The following PLXNA1 variants were observed in gnomAD, a reference collection of about 807,000 sequenced individuals.
PLXNA1 encodes plexin A1.
Under a neutral mutation model 191.7 loss-of-function variants are expected in PLXNA1, and 77 were observed. The ratio of observed to expected loss-of-function variants is 0.40; its 90% CI spans 0.33 to 0.49. The LOEUF is 0.49. Ranked by LOEUF, PLXNA1 falls within the 20% of genes least tolerant of loss-of-function variation. PLXNA1 has a pLI of 0.63. For synonymous variants in PLXNA1, 1,137 were observed against 1,156.4 expected (o/e 0.98, Z 0.34); for missense variants, 2,110 against 2,660.2 (o/e 0.79, Z 4.55).
In PLXNA1 at chr3:126,991,545, G is replaced by T. The variant is rs771068704; in HGVS notation, c.1356G>T (p.Thr452=). 1.9e-6 allele frequency: 3 copies of T among 1,587,828 alleles called. No homozygotes were observed. Among genetic ancestry groups the T allele is most frequent in the Non-Finnish European group, 1.7e-6 (2 of 1,162,890 alleles). The change falls in exon 3 of 32, where the codon ACG becomes ACT. Residue 452 remains threonine, a synonymous_variant. Coordinates refer to ENST00000393409, the MANE Select transcript of PLXNA1 (RefSeq NM_032242.4). ...YRGRTVVFAG[T]RSGRIRKILV... Reference sequence around the variant, plus strand: ...GCCGCACTGTGGTATTCGCCGGCACGCGAAGTGGCCGCATCCGCAAGGTCA... The same window carrying T: ...GCCGCACTGTGGTATTCGCCGGCACTCGAAGTGGCCGCATCCGCAAGGTCA...
At chr3:127,007,247 G>A (rs1433949804) in intron 8 of PLXNA1, among the ~76,000 whole-genome samples, 2 of 152,184 alleles carry the variant, frequency 1.3e-5, no homozygotes, top group Non-Finnish European at 2.9e-5. Context: ...AGGCTGAGTT[G>A]TGGGCAGAGC....
intron 12 of PLXNA1, 44 bp downstream of exon 12, chr3:127,014,419 C>G: frequency 1.3e-5 from 21 of 1,571,634 alleles, no homozygotes; most frequent in Non-Finnish European, 1.8e-5. Context: ...CCCCGCCCTG[C>G]ACCACCGCAC....
intron 21 of PLXNA1, among the ~76,000 whole-genome samples, chr3:127,021,371 G>A (rs2079151527): frequency 6.6e-6 from 1 of 152,182 alleles, no homozygotes; most frequent in Non-Finnish European, 1.5e-5. Context: ...GTTGGCCTTG[G>A]CTGGGAGCCT....
intron 9 of PLXNA1, 61 bp from the exon 10 acceptor site, chr3:127,011,897 G>A: frequency 6.8e-7 from 1 of 1,467,804 alleles, no homozygotes; most frequent in Admixed American, 1.7e-5. Flanking sequence ...GGAGCGTAGT[G>A]GGGTGCACCT....
At position 127,012,264 on chromosome 3, in the gene PLXNA1, G is replaced by C. The variant is rs111936438; in HGVS notation, c.2313+106G>C. On this transcript the variant is annotated intron_variant, in intron 10 of 31. Coordinates refer to ENST00000393409, the MANE Select transcript of PLXNA1 (RefSeq NM_032242.4). ...CTTGTTCATAAAGGGCAGTGCACGT[G>C]CTCACGTGTATCTCTGATGAGTCAG... 303 of 1,154,554 alleles carry C rather than the reference G, an allele frequency of 2.6e-4. No homozygotes were observed. The African/African-American group carries it at 4.3e-3, about 16-fold the overall frequency. The allele number at this position is 1,154,554 out of a possible 1,614,324, so 71.5% of individuals were successfully genotyped here.
chr3:127,010,252 CT>C (rs2079089148), intron 9 of PLXNA1, among the ~76,000 whole-genome samples: 1 of 152,204 alleles, frequency 6.6e-6, no homozygotes, highest in Non-Finnish European at 1.5e-5. Flanking sequence ...AGACTATGCA[CT>C]GGGGAAGAGG....
rs771302841 is a variant in PLXNA1 at position 127,014,497 on chromosome 3, C to T, written c.2624C>T (p.Pro875Leu). Residue 875 changes from proline (P) to leucine (L), a missense_variant, in exon 13 of 32, where the codon CCG becomes CTG. This residue lies in a region of PLXNA1 where 644 missense variants were observed against 714.3 expected (regional missense o/e 0.90). Transcript: ENST00000393409. ...KILKLSPETG[P>L]RQGGTRLTIT... The stretch of plus-strand genomic sequence containing the variant: ...CCTCAGCTGTCCCCCGAGACGGGCC[C>T]GAGGCAGGGCGGCACGCGGCTCACT... 13 of 1,604,868 alleles carry T rather than the reference C, an allele frequency of 8.1e-6. No homozygotes were observed. In the Middle Eastern group the frequency reaches 4.9e-4, roughly 61 times the overall value.
chr3:127,012,131 C>T lies in PLXNA1; in HGVS notation c.2286C>T (p.Ser762=). The part of the protein sequence containing the change: ...PARVTALRFN[S]SSLQCQNSSY... ...GTGTCACCGCCCTGCGCTTCAACAG[C>T]TCCAGCCTGCAGTGCCAGAATTCCT... is the stretch of plus-strand genomic sequence containing the variant. The change falls in exon 10 of 32, where the codon AGC becomes AGT. Residue 762 remains serine, a synonymous_variant. Transcript: ENST00000393409. The T allele has an allele frequency of 6.2e-7, 1 of 1,612,724 alleles. No homozygotes were observed. Among genetic ancestry groups the T allele is most frequent in the Middle Eastern group, 1.8e-4 (1 of 5,540 alleles).
Position 127,014,298 on chromosome 3 carries a change from T to C in PLXNA1, c.2527T>C (p.Cys843Arg). The C allele has an allele frequency of 1.9e-6, 3 of 1,595,638 alleles. No homozygotes were observed. The highest frequency in any genetic ancestry group is 1.7e-5 in the Admixed American group (1 of 58,734). The change falls in exon 12 of 32, where the codon TGC becomes CGC. Residue 843 changes from cysteine (C) to arginine (R), a missense_variant. By Grantham distance (180) the Cys-to-Arg change is radical. Around this residue, in one of 4 missense-constraint regions of PLXNA1, gnomAD observed 644 missense variants for 714.3 expected, o/e 0.90. Coordinates refer to ENST00000393409, the MANE Select transcript of PLXNA1 (RefSeq NM_032242.4). ...GCGCCGCTGCTCCCTGCGACACCAC[T>C]GCGCTGCCGACACACCTGCATCGTG... ...AERRCSLRHH[C>R]AADTPASWMH...
chr3:127,014,957 G>A (rs1255759487), intron 14 of PLXNA1, 126 bp downstream of exon 14: 10 of 1,448,592 alleles, frequency 6.9e-6, no homozygotes, highest in Non-Finnish European at 9.2e-6. Flanking sequence ...CACGGCCTGG[G>A]TGCTGCCCCT....
At chr3:127,018,590 C>A in intron 20 of PLXNA1, 62 bp downstream of exon 20, 1 of 1,299,544 alleles carries the variant, frequency 7.7e-7, no homozygotes, top group East Asian at 2.4e-5. Context: ...CTGGCCTGTC[C>A]CCACACCTAC....
At chr3:127,028,832 G>GAA in intron 25 of PLXNA1, 161 bp from the exon 26 acceptor site, 2 of 614,858 alleles carry the variant, frequency 3.3e-6, no homozygotes, top group Non-Finnish European at 5.8e-6. Flanking sequence ...ACATTGCAGG[G>GAA]GACTATGGCA....
At chr3:127,032,956 T>C in intron 31 of PLXNA1, 120 bp downstream of exon 31, 1 of 1,101,032 alleles carries the variant, frequency 9.1e-7, no homozygotes, top group South Asian at 1.5e-5. Context: ...CTGACCACCT[T>C]CACTCCTCTG....
chr3:127,009,241 T>C (rs973347618), intron 9 of PLXNA1, among the ~76,000 whole-genome samples: 5 of 152,038 alleles, frequency 3.3e-5, no homozygotes. Context: ...GTTTTGGGGC[T>C]GAGATAGCCC....
Position 126,988,741 on chromosome 3 carries a change from G to T in PLXNA1, c.148G>T (p.Gly50Cys). The T allele has an allele frequency of 6.3e-7, 1 of 1,588,914 alleles. No homozygotes were observed. Among genetic ancestry groups the T allele is most frequent in the African/African-American group, 1.3e-5 (1 of 74,780 alleles). ...CCGCACCTTCTCGGCCAGCGACTGG[G>T]GCCTCACCCACCTAGTGGTGCATGA... ...PFRTFSASDWGLTHLVVHEQT... is the reference protein window; with the variant it reads ...PFRTFSASDWCLTHLVVHEQT... The change falls in exon 2 of 32, where the codon GGC (glycine) becomes TGC (cysteine). Residue 50 changes from glycine to cysteine, a missense_variant. Transcript: ENST00000393409.
chr3:126,992,489 G>A (rs1366596265), intron 3 of PLXNA1, among the ~76,000 whole-genome samples: 2 of 152,136 alleles, frequency 1.3e-5, no homozygotes, highest in African/African-American at 2.4e-5. Flanking sequence ...TAGGAAGGGG[G>A]CCTCCCATCT....
intron 21 of PLXNA1, 109 bp downstream of exon 21, chr3:127,020,453 TG>T: frequency 2.2e-6 from 3 of 1,364,956 alleles, no homozygotes; most frequent in Non-Finnish European, 3.0e-6. Context: ...CTGTGTGGCC[TG>T]GGGGAGGGTC....
chr3:127,033,265 C>T (rs2079221765), intron 31 of PLXNA1, among the ~76,000 whole-genome samples: 2 of 152,196 alleles, frequency 1.3e-5, no homozygotes, highest in Admixed American at 6.5e-5. Context: ...GACCTGGGGA[C>T]GGGGTCCAGG....
At position 127,014,692 on chromosome 3, in the gene PLXNA1, GAGGCCCGCCTGCCCAC is replaced by G. The variant is rs1559961435; in HGVS notation, c.2757-15_2757del. ...ACGGGGCGGGGCTCCTGCAGCCCCT[GAGGCCCGCCTGCCCAC>G]AGGATCGTCTGTGAGATCGGGGACG... On this transcript the variant is annotated splice_polypyrimidine_tract_variant and splice_region_variant and intron_variant, in intron 13 of 31. Transcript: ENST00000393409. The G allele has an allele frequency of 6.2e-7, 1 of 1,610,992 alleles. No individual in the cohort carries two copies. The highest frequency in any genetic ancestry group is 8.5e-7 in the Non-Finnish European group (1 of 1,179,460).
Sources: gnomAD v4.1 joint callset for allele counts (sites outside exome capture counted in the v4.1 genomes callset) on GRCh38, gnomAD v4.1.1 for gene constraint, gnomAD v4.1.1 regional missense constraint, MANE v1.5 for transcripts, NCBI Gene and HGNC (gene_info 2026-07-23, HGNC 2026-07-21) for gene names.